TUSC3: variants seen among roughly 807,000 people sequenced by gnomAD.
The protein encoded by TUSC3 is tumor suppressor candidate 3.
Under a neutral mutation model 44.8 loss-of-function variants are expected in TUSC3, and 45 were observed. The ratio of observed to expected loss-of-function variants is 1.00; its 90% confidence interval spans 0.79 to 1.29. The LOEUF is 1.29. Among genes scored for constraint, TUSC3 ranks in the 50% most tolerant of loss-of-function variants. TUSC3 has a pLI of 0.00. For missense variants in TUSC3, 519 were observed against 437.9 expected (o/e 1.19, Z -1.65); for synonymous variants, 212 against 152.9 (o/e 1.39, Z -2.85).
At position 15,516,262 on chromosome 8, in the gene TUSC3, C is replaced by T. The variant is rs563807765; in HGVS notation, n.189+32779C>T. Among the ~76,000 whole-genome samples, 216 of 152,228 alleles carry T rather than the reference C, an allele frequency of 1.4e-3. 1 individual carries two copies. In the Middle Eastern group the frequency reaches 0.024, roughly 17 times the overall value. ...TGTATAGTTAGTATTAAAACAATTA[C>T]AGAGGAATGCATTAATTTGTGGTTT... On this transcript the variant is annotated intron_variant and non_coding_transcript_variant, in intron 2 of 5. Transcript: ENST00000503191.
In TUSC3 at chr8:15,740,525, A is replaced by C. The variant is rs532426919; in HGVS notation, c.863-3013A>C. Among the ~76,000 whole-genome samples the C allele has an allele frequency of 6.0e-4, 92 of 152,226 alleles. 2 individuals carry two copies. The highest frequency in any genetic ancestry group is 1.2e-3 in the Non-Finnish European group (81 of 68,002). On this transcript the variant is annotated intron_variant, in intron 7 of 10. Transcript: ENST00000503731. ...CTTTTGGAAAAACGGGAGGAAAAAA[A>C]AAGAACAAGCAGTGTGCCAAAGATT...
intron 9 of TUSC3, among the ~76,000 whole-genome samples, chr8:15,753,731 C>T (rs910774785): frequency 5.3e-5 from 8 of 151,860 alleles, no homozygotes; most frequent in South Asian, 4.2e-4. Context: ...TGACAAACAT[C>T]GAAAACAAAT....
intron 1 of TUSC3, among the ~76,000 whole-genome samples, chr8:15,560,382 C>T (rs1442363524): frequency 3.5e-5 from 5 of 141,102 alleles, no homozygotes; most frequent in Non-Finnish European, 4.7e-5. Flanking sequence ...CGCTGTTAGT[C>T]TGATGGGCTT....
chr8:15,603,009 T>C (rs1364982262), intron 1 of TUSC3, among the ~76,000 whole-genome samples: 3 of 151,500 alleles, frequency 2.0e-5, no homozygotes, highest in Non-Finnish European at 4.4e-5. Context: ...AAGTTATAAA[T>C]AAATGGATTC....
intron 2 of TUSC3, among the ~76,000 whole-genome samples, chr8:15,497,701 A>C (rs1300215216): frequency 5.9e-5 from 9 of 151,656 alleles, no homozygotes; most frequent in Non-Finnish European, 1.3e-4. Flanking sequence ...ACGCAAGAGA[A>C]GTTTTCTTTT....
At chr8:15,775,493 A>T in the TUSC3 span, among the ~76,000 whole-genome samples, 2 of 152,084 alleles carry the variant, frequency 1.3e-5, no homozygotes, top group African/African-American at 4.8e-5. Context: ...CAAATTGTGC[A>T]TACAGCTATA....
intron 1 of TUSC3, among the ~76,000 whole-genome samples, chr8:15,552,562 C>CAGCACTGGTAA (rs1246817029): frequency 6.6e-6 from 1 of 151,714 alleles, no homozygotes; most frequent in Admixed American, 6.6e-5. Context: ...GAGTGCTAAA[C>CAGCACTGGTAA]AGCACTGGTA....
chr8:15,495,125 G>A (rs550445704), intron 2 of TUSC3, among the ~76,000 whole-genome samples: 4 of 151,552 alleles, frequency 2.6e-5, no homozygotes, highest in African/African-American at 9.7e-5. Flanking sequence ...TGGTGTATAT[G>A]TACCATATTT....
At chr8:15,838,128 C>G in the TUSC3 span, among the ~76,000 whole-genome samples, 2 of 152,178 alleles carry the variant, frequency 1.3e-5, no homozygotes, top group Non-Finnish European at 2.9e-5. Context: ...TATCACTTGT[C>G]TAAAAGAGCC....
rs181712056 is a variant in TUSC3 at position 15,764,499 on chromosome 8, A to T, written c.*343A>T. 6.0e-5 allele frequency: 22 copies of T among 363,754 alleles called. No homozygotes were observed. Among genetic ancestry groups the T allele is most frequent in the African/African-American group, 4.0e-4 (19 of 47,930 alleles). 22.5% of individuals were successfully genotyped at this position (363,754 alleles called of 1,614,324 possible). The stretch of plus-strand genomic sequence containing the variant: ...ATGTAATTATGAATTCATGTTTTAG[A>T]GCTGTTTACTCATTAGTAAAGGACC... On this transcript the variant is annotated 3_prime_UTR_variant, in exon 11 of 11. Transcript: ENST00000503731.
At chr8:15,663,345 T>C (rs1258502706) in intron 5 of TUSC3, among the ~76,000 whole-genome samples, 7 of 151,816 alleles carry the variant, frequency 4.6e-5, no homozygotes, top group Admixed American at 1.3e-4. Context: ...ACATACAATG[T>C]ATTATATCTG....
intron 1 of TUSC3, among the ~76,000 whole-genome samples, chr8:15,567,692 G>A (rs1202590339): frequency 6.6e-6 from 1 of 152,158 alleles, no homozygotes; most frequent in Non-Finnish European, 1.5e-5. Context: ...AGATACTAGG[G>A]TGAAATGAGG....
chr8:15,576,754 TA>T (rs1187538215), intron 1 of TUSC3, among the ~76,000 whole-genome samples: 7 of 137,270 alleles, frequency 5.1e-5, no homozygotes, highest in Non-Finnish European at 1.1e-4. Context: ...CTATTGTGAA[TA>T]ATGCCGCAAT....
At chr8:15,502,658 T>C (rs1016635321) in intron 2 of TUSC3, among the ~76,000 whole-genome samples, 6 of 152,172 alleles carry the variant, frequency 3.9e-5, no homozygotes, top group Non-Finnish European at 8.8e-5. Context: ...ACCTGGCTAC[T>C]TTTTTTGTAT....
intron 1 of TUSC3, among the ~76,000 whole-genome samples, chr8:15,605,574 G>A (rs1397194175): frequency 6.6e-6 from 1 of 151,602 alleles, no homozygotes; most frequent in African/African-American, 2.4e-5. Context: ...CAATTTGAAA[G>A]CATTCTAAGA....
intron 1 of TUSC3, among the ~76,000 whole-genome samples, chr8:15,462,000 T>C (rs892084596): frequency 6.6e-6 from 1 of 152,064 alleles, no homozygotes; most frequent in Non-Finnish European, 1.5e-5. Flanking sequence ...ATCTTATAAT[T>C]GTTTTCTTTC....
chr8:15,820,889 T>C, the TUSC3 span, among the ~76,000 whole-genome samples: 5 of 152,180 alleles, frequency 3.3e-5, no homozygotes, highest in Admixed American at 6.5e-5. Context: ...CCTTGTGAGG[T>C]TGCAATGTAT....
At chr8:15,425,126 G>C (rs888155820) in intron 1 of TUSC3, among the ~76,000 whole-genome samples, 9 of 152,196 alleles carry the variant, frequency 5.9e-5, no homozygotes, top group Non-Finnish European at 1.3e-4. Flanking sequence ...CAAAGGAAAA[G>C]TGTGATTACA....
intron 2 of TUSC3, among the ~76,000 whole-genome samples, chr8:15,484,863 TA>T (rs1198776481): frequency 1.3e-5 from 2 of 152,354 alleles, no homozygotes; most frequent in African/African-American, 4.8e-5. Flanking sequence ...GAAAACTTCA[TA>T]AGACTACTAT....
Sources: allele counts gnomAD v4.1 joint callset (sites outside exome capture counted in the v4.1 genomes callset), GRCh38; gene constraint gnomAD v4.1.1; transcripts MANE v1.5; gene names NCBI Gene and HGNC (gene_info 2026-07-23, HGNC 2026-07-21).